Variants in PLPPR1 observed in about 807,000 individuals in gnomAD.
The protein encoded by PLPPR1 is phospholipid phosphatase-related protein type 1.
Under a neutral mutation model 33.1 loss-of-function variants are expected in PLPPR1, and 10 were observed. That is an observed-to-expected ratio of 0.30 (90% CI 0.19 to 0.51). The LOEUF is 0.51. PLPPR1 is among the 20% of genes least tolerant of loss of function. PLPPR1 has a pLI of 0.97. For synonymous variants in PLPPR1, 151 were observed against 151.0 expected, an observed-to-expected ratio of 1.00 and a Z score of 0.00; for missense variants, 304 against 408.1, an observed-to-expected ratio of 0.74 and a Z score of 2.20.
At chr9:101,302,480 T>C (rs1297338053) in intron 4 of PLPPR1, among the ~76,000 whole-genome samples, 1 of 152,194 alleles carries the variant, frequency 6.6e-6, no homozygotes, top group Non-Finnish European at 1.5e-5. Context: ...AATAGTTGAA[T>C]TGAGGTACCT....
chr9:101,215,212 G>A (rs1826766991), intron 2 of PLPPR1, among the ~76,000 whole-genome samples: 1 of 152,108 alleles, frequency 6.6e-6, no homozygotes, highest in East Asian at 1.9e-4. Context: ...TCAGAACCAG[G>A]AGAGGTTCAG....
At chr9:101,272,821 G>T (rs1272324805) in intron 3 of PLPPR1, among the ~76,000 whole-genome samples, 1 of 152,112 alleles carries the variant, frequency 6.6e-6, no homozygotes, top group Non-Finnish European at 1.5e-5. Context: ...TGTAATTCTA[G>T]TCAAAGCATA....
chr9:101,070,798 AG>A (rs1830473938), intron 1 of PLPPR1, among the ~76,000 whole-genome samples: 1 of 152,124 alleles, frequency 6.6e-6, no homozygotes, highest in African/African-American at 2.4e-5. Flanking sequence ...TCCCCACCCT[AG>A]AATGTAAATT....
intron 1 of PLPPR1, among the ~76,000 whole-genome samples, chr9:101,088,805 C>T (rs1181311823): frequency 6.6e-6 from 1 of 152,170 alleles, no homozygotes; most frequent in Non-Finnish European, 1.5e-5. Context: ...ATAGTAATCA[C>T]TTTTAACCTG....
chr9:101,307,840 G>A (rs867353097), intron 4 of PLPPR1, among the ~76,000 whole-genome samples: 7 of 152,086 alleles, frequency 4.6e-5, no homozygotes, highest in South Asian at 2.1e-4. Flanking sequence ...GCTGCCTCTC[G>A]CACTTGTCAA....
intron 1 of PLPPR1, among the ~76,000 whole-genome samples, chr9:101,033,222 G>A (rs1169699772): frequency 6.6e-6 from 1 of 152,180 alleles, no homozygotes. Context: ...AACATAGTCA[G>A]AGTTTGTTTT....
chr9:101,282,082 A>G lies in PLPPR1; in HGVS notation c.253-4022A>G, dbSNP rs542912864. Among the ~76,000 whole-genome samples the G allele has an allele frequency of 6.6e-5, 10 of 152,346 alleles. No individual in the cohort carries two copies. In the South Asian group the frequency reaches 1.0e-3, roughly 16 times the overall value. ...ACTTCCAAATTCATTTTACAAGGTC[A>G]GCATTCCCCTAATACCAAAGCCAGA... On this transcript the variant is annotated intron_variant, in intron 3 of 7. Coordinates refer to ENST00000374874, the MANE Select transcript of PLPPR1 (RefSeq NM_207299.2).
intron 1 of PLPPR1, among the ~76,000 whole-genome samples, chr9:101,149,008 T>C (rs952333144): frequency 1.3e-5 from 2 of 152,186 alleles, no homozygotes; most frequent in Admixed American, 6.6e-5. Context: ...CTATCTTTTA[T>C]TTAAAACTCT....
intron 1 of PLPPR1, among the ~76,000 whole-genome samples, chr9:101,083,225 C>T (rs1352628594): frequency 6.6e-6 from 1 of 151,770 alleles, no homozygotes; most frequent in East Asian, 2.0e-4. Flanking sequence ...GTGGCGCAAT[C>T]TTGGCTCAAG....
intron 1 of PLPPR1, among the ~76,000 whole-genome samples, chr9:101,066,357 T>C (rs1437210680): frequency 2.0e-5 from 3 of 151,976 alleles, no homozygotes; most frequent in African/African-American, 7.2e-5. Context: ...ATTTCTCCAC[T>C]GTAGCAAATT....
At chr9:101,195,654 G>A (rs1211796240) in intron 2 of PLPPR1, among the ~76,000 whole-genome samples, 1 of 152,068 alleles carries the variant, frequency 6.6e-6, no homozygotes, top group Non-Finnish European at 1.5e-5. Flanking sequence ...GACAGTCCTA[G>A]TGACAACCAT....
At chr9:101,281,338 G>A (rs1231430504) in intron 3 of PLPPR1, among the ~76,000 whole-genome samples, 2 of 152,016 alleles carry the variant, frequency 1.3e-5, no homozygotes, top group Admixed American at 1.3e-4. Context: ...ACTACCAAAA[G>A]TGATCCACAG....
At chr9:101,198,344 C>T (rs1036434077) in intron 2 of PLPPR1, among the ~76,000 whole-genome samples, 3 of 152,108 alleles carry the variant, frequency 2.0e-5, no homozygotes, top group Non-Finnish European at 2.9e-5. Context: ...GCAAATCCCT[C>T]GTTTCAGATA....
At chr9:101,090,640 C>T (rs1830729711) in intron 1 of PLPPR1, among the ~76,000 whole-genome samples, 1 of 152,156 alleles carries the variant, frequency 6.6e-6, no homozygotes, top group Admixed American at 6.5e-5. Context: ...GCATTCTGAA[C>T]CTGGGAGGCG....
chr9:101,196,864 CA>C (rs71498762), intron 2 of PLPPR1, among the ~76,000 whole-genome samples: 2,064 of 125,606 alleles, frequency 0.016, 12 homozygotes, highest in Non-Finnish European at 0.019. Flanking sequence ...GACTCTGTCT[CA>C]AAAAAAAAAA....
chr9:101,063,524 C>T (rs949168157), intron 1 of PLPPR1, among the ~76,000 whole-genome samples: 7 of 152,216 alleles, frequency 4.6e-5, no homozygotes, highest in Admixed American at 2.0e-4. Context: ...AAAGCCACTT[C>T]TCTAATTCAG....
intron 1 of PLPPR1, among the ~76,000 whole-genome samples, chr9:101,156,562 AAAAAAAAAAAAG>A (rs1220907192): frequency 1.4e-5 from 2 of 148,080 alleles, no homozygotes; most frequent in Non-Finnish European, 1.5e-5. Flanking sequence ...CAAAAAAAAA[AAAAAAAAAAAAG>A]AAAGAAAGAA....
chr9:101,260,774 C>T (rs140218116), intron 2 of PLPPR1, among the ~76,000 whole-genome samples: 87 of 151,846 alleles, frequency 5.7e-4, no homozygotes, highest in Middle Eastern at 3.4e-3. Flanking sequence ...ATGGAAGCCA[C>T]GAAAAGAGAT....
intron 2 of PLPPR1, among the ~76,000 whole-genome samples, chr9:101,257,376 A>G (rs1176170445): frequency 6.6e-6 from 1 of 152,186 alleles, no homozygotes; most frequent in African/African-American, 2.4e-5. Context: ...ATCACAAACT[A>G]TAGACTCTCA....
Sources: gnomAD v4.1 joint callset for allele counts (sites outside exome capture counted in the v4.1 genomes callset) on GRCh38, gnomAD v4.1.1 for gene constraint, MANE v1.5 for transcripts, NCBI Gene and HGNC (gene_info 2026-07-23, HGNC 2026-07-21) for gene names.